PRORP: variants seen among roughly 807,000 people sequenced by gnomAD.
The protein encoded by PRORP is mitochondrial ribonuclease P catalytic subunit.
Under a neutral mutation model 59.4 loss-of-function variants are expected in PRORP, and 51 were observed. The observed-to-expected ratio is 0.86, with a 90% CI of 0.69 to 1.08. The LOEUF is 1.08. PRORP is among the 50% of genes least tolerant of loss of function. PRORP has a pLI of 0.00. For missense variants in PRORP, 646 were observed against 690.3 expected, an observed-to-expected ratio of 0.94 and a Z score of 0.72; for synonymous variants, 231 against 245.6, an observed-to-expected ratio of 0.94 and a Z score of 0.55.
chr14:35,175,707 G>T (rs1473325801), intron 4 of PRORP, among the ~76,000 whole-genome samples: 1 of 151,708 alleles, frequency 6.6e-6, no homozygotes, highest in Non-Finnish European at 1.5e-5. Context: ...TCACTCTGAT[G>T]GTAGGTTCTT....
chr14:35,247,401 G>A lies in PRORP; in HGVS notation c.1276-19326G>A, dbSNP rs375486734. Among the ~76,000 whole-genome samples the A allele has an allele frequency of 7.3e-5, 11 of 151,684 alleles. No individual in the cohort carries two copies. The East Asian group carries it at 7.7e-4, about 11-fold the overall frequency. Reference sequence around the variant, plus strand: ...TATAGCCAGGTATTTTATATATTTCGAACAGACAGTACTTTACCAGAAAAC... The same window carrying A: ...TATAGCCAGGTATTTTATATATTTCAAACAGACAGTACTTTACCAGAAAAC... On this transcript the variant is annotated intron_variant, in intron 5 of 7. Coordinates refer to ENST00000534898, the MANE Select transcript of PRORP (RefSeq NM_014672.4).
intron 5 of PRORP, among the ~76,000 whole-genome samples, chr14:35,203,655 G>T (rs191417850): frequency 4.4e-4 from 67 of 152,298 alleles, no homozygotes; most frequent in African/African-American, 1.4e-3. Context: ...ACAAGGTCAG[G>T]AGATCGAGAC....
chr14:35,250,456 G>A (rs1294238355), intron 5 of PRORP, among the ~76,000 whole-genome samples: 1 of 152,176 alleles, frequency 6.6e-6, no homozygotes, highest in African/African-American at 2.4e-5. Context: ...CTGAAGAGCT[G>A]TTTACATTGA....
chr14:35,212,538 G>T (rs1479145164), intron 5 of PRORP, among the ~76,000 whole-genome samples: 1 of 152,144 alleles, frequency 6.6e-6, no homozygotes, highest in Non-Finnish European at 1.5e-5. Flanking sequence ...CTCCATAAGA[G>T]CTCTTGGGTG....
intron 5 of PRORP, among the ~76,000 whole-genome samples, chr14:35,250,247 A>G (rs1386371325): frequency 6.6e-6 from 1 of 152,022 alleles, no homozygotes; most frequent in East Asian, 1.9e-4. Context: ...AAAAAAAGAA[A>G]AAAAAAGATG....
chr14:35,127,920 C>T (rs2047138470), intron 4 of PRORP, among the ~76,000 whole-genome samples: 1 of 152,206 alleles, frequency 6.6e-6, no homozygotes, highest in African/African-American at 2.4e-5. Flanking sequence ...AGACCATCAT[C>T]TGTTGAAGTC....
chr14:35,235,239 A>G, intron 5 of PRORP: 1 of 726,440 alleles, frequency 1.4e-6, no homozygotes, highest in Non-Finnish European at 2.5e-6. Context: ...CGAGCCACAG[A>G]CTTGGGACCC....
At chr14:35,182,538 G>C (rs1413873529) in intron 5 of PRORP, among the ~76,000 whole-genome samples, 5 of 152,116 alleles carry the variant, frequency 3.3e-5, no homozygotes, top group Admixed American at 2.0e-4. Flanking sequence ...CCAGCTAGTT[G>C]GGAGGCTGAG....
At chr14:35,253,408 GAAAGAAAA>G (rs1299044845) in intron 5 of PRORP, among the ~76,000 whole-genome samples, 1 of 135,214 alleles carries the variant, frequency 7.4e-6, no homozygotes, top group Non-Finnish European at 1.5e-5. Context: ...AAGAAGGAAA[GAAAGAAAA>G]AAAGAAAAGA....
At chr14:35,273,236 G>A (rs1176070237) in intron 7 of PRORP, among the ~76,000 whole-genome samples, 199 bp from the exon 8 acceptor site, 5 of 152,122 alleles carry the variant, frequency 3.3e-5, no homozygotes, top group Non-Finnish European at 5.9e-5. Flanking sequence ...ACTTAAAAAT[G>A]AGACCCCTCA....
rs2051278957 is a variant in PRORP, at chr14:35,275,202, T to TTTACATTTATGACAATATAGCTTGACAA, written c.*1655_*1656insGCTTGACAATTACATTTATGACAATATA. The TTTACATTTATGACAATATAGCTTGACAA allele has an allele frequency of 6.6e-6, 1 of 152,104 alleles. No homozygotes were observed. Among genetic ancestry groups the TTTACATTTATGACAATATAGCTTGACAA allele is most frequent in the Non-Finnish European group, 1.5e-5 (1 of 68,030 alleles). 9.4% of individuals were successfully genotyped at this position (152,104 alleles called of 1,614,324 possible). A position where few individuals can be genotyped will look rare whatever the true frequency, so the allele number is the denominator to read the frequency against. ...ACACTAAACATTTTAAATTGATATA[T>TTTACATTTATGACAATATAGCTTGACAA]TTACATTTATGACAATATACCTCAA... On this transcript the variant is annotated 3_prime_UTR_variant, in exon 8 of 8. Coordinates refer to ENST00000534898, the MANE Select transcript of PRORP (RefSeq NM_014672.4).
chr14:35,122,916 T>G, intron 1 of PRORP, 36 bp from the exon 2 acceptor site: 1 of 244,888 alleles, frequency 4.1e-6, no homozygotes, highest in Non-Finnish European at 8.1e-6. Flanking sequence ...TCCACGTGAG[T>G]AAAACTGGGC....
At chr14:35,228,100 G>A (rs768820617) in intron 5 of PRORP, among the ~76,000 whole-genome samples, 27 of 152,092 alleles carry the variant, frequency 1.8e-4, no homozygotes, top group Admixed American at 2.6e-4. Flanking sequence ...CCAAGATCGC[G>A]CCACTGCACT....
chr14:35,127,593 C>T lies in PRORP; in HGVS notation c.1149C>T (p.Tyr383=). The T allele has an allele frequency of 6.2e-7, 1 of 1,614,006 alleles. No individual in the cohort carries two copies. Among genetic ancestry groups the T allele is most frequent in the Non-Finnish European group, 8.5e-7 (1 of 1,179,960 alleles). ...ATGTGATAGATGGAGGTGACCAGTA[C>T]AGAAAGACAACACCTCAGGTGAGTC... ...MRDVIDGGDQ[Y]RKTTPQELKR... Residue 383 remains tyrosine (Y), a synonymous_variant, in exon 4 of 8, where the codon TAC becomes TAT. Coordinates refer to ENST00000534898, the MANE Select transcript of PRORP (RefSeq NM_014672.4).
chr14:35,174,318 A>G (rs1215127137), intron 4 of PRORP, among the ~76,000 whole-genome samples: 2 of 152,074 alleles, frequency 1.3e-5, no homozygotes, highest in African/African-American at 4.8e-5. Flanking sequence ...ATTATTATCT[A>G]GTAGTCCAGT....
At chr14:35,135,990 G>T (rs1807162) in intron 4 of PRORP, among the ~76,000 whole-genome samples, 1 of 151,102 alleles carries the variant, frequency 6.6e-6, no homozygotes. Context: ...TTAAGCAAAA[G>T]TATGATATGT....
At chr14:35,254,815 C>T (rs577440038) in intron 5 of PRORP, among the ~76,000 whole-genome samples, 3 of 152,266 alleles carry the variant, frequency 2.0e-5, no homozygotes, top group East Asian at 1.9e-4. Context: ...ATTTCTGGCA[C>T]GTCCCATGTC....
chr14:35,273,149 TCA>T, intron 7 of PRORP, among the ~76,000 whole-genome samples: 1 of 152,250 alleles, frequency 6.6e-6, no homozygotes, highest in Middle Eastern at 3.4e-3. Flanking sequence ...TTTTTCACTC[TCA>T]CACACAAAAC....
At chr14:35,218,717 G>A (rs558127568) in intron 5 of PRORP, among the ~76,000 whole-genome samples, 2 of 151,506 alleles carry the variant, frequency 1.3e-5, no homozygotes, top group Non-Finnish European at 2.9e-5. Context: ...GTAGAGACGG[G>A]GTTTCACCAT....
Sources: allele counts gnomAD v4.1 joint callset (sites outside exome capture counted in the v4.1 genomes callset), GRCh38; gene constraint gnomAD v4.1.1; transcripts MANE v1.5; gene names NCBI Gene and HGNC (gene_info 2026-07-23, HGNC 2026-07-21).